The following RPGR variants were observed in gnomAD, a reference collection of about 807,000 sequenced individuals.
RPGR encodes X-linked retinitis pigmentosa GTPase regulator.
In RPGR, 10 loss-of-function variants were observed where a neutral mutation model predicts 56.3. That is an observed-to-expected ratio of 0.18 (90% confidence interval 0.11 to 0.30). The LOEUF is 0.30. RPGR is among the 10% of genes least tolerant of loss of function. RPGR has a pLI of 1.00. For missense variants in RPGR, 538 were observed against 590.9 expected (o/e 0.91, Z 0.93); for synonymous variants, 197 against 212.9 (o/e 0.93, Z 0.65).
Position 38,276,584 on chromosome X carries a change from T to C in RPGR, c.2091+3A>G. On this transcript the variant is annotated splice_donor_region_variant and intron_variant, in intron 16 of 18. Transcript: ENST00000642395. ...CTCAGGATTTAAGCATCTATCATCA[T>C]ACCTTTTCAATAGTTTCAGCTGAGC... The C allele has an allele frequency of 8.3e-7, 1 of 1,209,684 alleles. No homozygotes were observed. Among genetic ancestry groups the C allele is most frequent in the Non-Finnish European group, 1.1e-6 (1 of 893,772 alleles).
chrX:38,325,978 A>G (rs1752086124), intron 1 of RPGR: 2 of 112,142 alleles, frequency 1.8e-5, no homozygotes, highest in African/African-American at 6.5e-5. Context: ...TATAAGTATT[A>G]ATAATAAATA....
Position 38,301,265 on chromosome X carries a change from C to G in RPGR, c.1041G>C (p.Leu347Phe), listed in dbSNP as rs144187092. Residue 347 changes from leucine to phenylalanine, a missense_variant, in exon 9 of 19, where the codon TTG (leucine) becomes TTC (phenylalanine). Around this residue, in one of 2 missense-constraint regions of RPGR, gnomAD observed 181 missense variants for 265.1 expected, o/e 0.68. Coordinates refer to ENST00000642395, the MANE Select transcript of RPGR (RefSeq NM_000328.3). ...CCCTTACCAATTTAACTATAAACCT[C>G]AAAAAATTAGAGCACAAAGTAGGAA... 8 of 1,203,563 alleles carry G rather than the reference C, an allele frequency of 6.6e-6. No individual in the cohort carries two copies. The highest frequency in any genetic ancestry group is 9.0e-6 in the Non-Finnish European group (8 of 888,974).
chrX:38,279,910 A>T (rs1484346113), intron 15 of RPGR, among the ~76,000 whole-genome samples: 1 of 107,267 alleles, frequency 9.3e-6, no homozygotes, highest in African/African-American at 3.4e-5. Flanking sequence ...TCAAGTATAT[A>T]TTTTTTTTTT....
intron 3 of RPGR, among the ~76,000 whole-genome samples, chrX:38,321,652 C>T (rs1447524474): frequency 5.1e-5 from 5 of 98,573 alleles, no homozygotes; most frequent in African/African-American, 1.9e-4. Context: ...AGAGCAAGAC[C>T]CTGTCTCAAA....
chrX:38,279,328 C>G lies in RPGR; in HGVS notation c.1906-2556G>C. ...ATGTCTGTGTCTTGCGTTAGGATCA[C>G]AGTAAAGAAGTGAATGGGCCTGACC... On this transcript the variant is annotated intron_variant, in intron 15 of 18. Transcript: ENST00000642395. 1.1e-5 allele frequency: 3 copies of G among 266,800 alleles called. No individual in the cohort carries two copies. The South Asian group carries it at 1.1e-4, about 10-fold the overall frequency. The allele number at this position is 266,800 out of a possible 1,213,427, so 22.0% of individuals were successfully genotyped here.
chrX:38,320,175 AAAGAG>A (rs199775534), intron 4 of RPGR, among the ~76,000 whole-genome samples: 20,740 of 108,793 alleles, frequency 0.19, 1,589 homozygotes, highest in African/African-American at 0.23. Flanking sequence ...AGGCTAAGAG[AAAGAG>A]AAAAGACACT....
intron 14 of RPGR, 189 bp downstream of exon 14, chrX:38,287,672 T>C (rs1337095485): frequency 1.9e-6 from 1 of 525,890 alleles, no homozygotes; most frequent in East Asian, 3.6e-5. Flanking sequence ...TCTGCCAGTT[T>C]AGTTTCCTTC....
chrX:38,301,692 G>T (rs2067504381), intron 8 of RPGR, among the ~76,000 whole-genome samples: 1 of 111,418 alleles, frequency 9.0e-6, no homozygotes, highest in Non-Finnish European at 1.9e-5. Flanking sequence ...AAGGGAAGGA[G>T]AAGGAGATGC....
At chrX:38,288,062 TTATCA>T (rs770768027) in intron 13 of RPGR, 21 bp from the exon 14 acceptor site, 2 of 1,162,654 alleles carry the variant, frequency 1.7e-6, no homozygotes, top group African/African-American at 3.5e-5. Flanking sequence ...TTTGAAGTAA[TTATCA>T]TATGTCATAC....
intron 15 of RPGR, among the ~76,000 whole-genome samples, chrX:38,278,330 TC>T (rs1171929328): frequency 1.8e-5 from 2 of 112,325 alleles, no homozygotes; most frequent in African/African-American, 6.5e-5. Flanking sequence ...AACCTCCACC[TC>T]CCGGGTTGAA....
chrX:38,307,341 A>G (rs2067623713), intron 7 of RPGR, among the ~76,000 whole-genome samples: 1 of 112,149 alleles, frequency 8.9e-6, no homozygotes, highest in South Asian at 3.7e-4. Context: ...TATCACTACA[A>G]CCAGTTTTAT....
At chrX:38,301,008 T>C (rs755878553) in intron 9 of RPGR, among the ~76,000 whole-genome samples, 1 of 111,547 alleles carries the variant, frequency 9.0e-6, no homozygotes, top group Admixed American at 9.6e-5. Flanking sequence ...TATATGAGAA[T>C]GAAGCAGAAG....
chrX:38,275,441 T>C (rs1006818196), intron 16 of RPGR, among the ~76,000 whole-genome samples: 4 of 112,224 alleles, frequency 3.6e-5, no homozygotes, highest in Non-Finnish European at 7.5e-5. Flanking sequence ...CATTTTACAA[T>C]GTCAAATTGG....
At chrX:38,309,752 C>T (rs1449085185) in intron 7 of RPGR, among the ~76,000 whole-genome samples, 1 of 111,208 alleles carries the variant, frequency 9.0e-6, no homozygotes, top group Non-Finnish European at 1.9e-5. Flanking sequence ...CGCTTGAACT[C>T]AGGAGGCAGA....
intron 3 of RPGR, among the ~76,000 whole-genome samples, chrX:38,321,667 A>AG (rs1381359119): frequency 9.1e-6 from 1 of 109,351 alleles, no homozygotes; most frequent in Non-Finnish European, 1.9e-5. Context: ...CTCAAAAAAA[A>AG]AAAAACAACA....
At chrX:38,279,088 T>C in intron 15 of RPGR, 1 of 299,220 alleles carries the variant, frequency 3.3e-6, no homozygotes, top group Non-Finnish European at 6.4e-6. Context: ...AATCACATCA[T>C]AGCACTCACA....
intron 7 of RPGR, among the ~76,000 whole-genome samples, chrX:38,305,186 C>G (rs186628248): frequency 7.2e-4 from 80 of 111,374 alleles, no homozygotes; most frequent in African/African-American, 2.4e-3. Flanking sequence ...GAGGACGAGG[C>G]GGGTGGACTG....
intron 15 of RPGR, among the ~76,000 whole-genome samples, chrX:38,280,245 G>A (rs73192532): frequency 0.022 from 2,501 of 111,927 alleles, 39 homozygotes; most frequent in Non-Finnish European, 0.035. Context: ...TCCATAAAAA[G>A]TAAGATAGAA....
At chrX:38,312,924 C>T (rs1171683685) in intron 6 of RPGR, among the ~76,000 whole-genome samples, 2 of 101,228 alleles carry the variant, frequency 2.0e-5, no homozygotes, top group African/African-American at 7.3e-5. Context: ...GCCTGGGCAA[C>T]AGAGTGAGAC....
Sources: gnomAD v4.1 joint callset for allele counts (sites outside exome capture counted in the v4.1 genomes callset) on GRCh38, gnomAD v4.1.1 for gene constraint, gnomAD v4.1.1 regional missense constraint, MANE v1.5 for transcripts, NCBI Gene and HGNC (gene_info 2026-07-23, HGNC 2026-07-21) for gene names.